ZNF253: variants seen among roughly 807,000 people sequenced by gnomAD.
ZNF253 encodes zinc finger protein 253.
ZNF253 carries 8 observed loss-of-function variants against 11.9 expected under a neutral mutation model. The observed-to-expected ratio is 0.67, with a 90% CI of 0.40 to 1.22. The LOEUF (loss-of-function observed/expected upper bound fraction) is 1.22. ZNF253 is among the 50% of genes most tolerant of loss of function. ZNF253 has a pLI of 0.01. For missense variants in ZNF253, 485 were observed against 586.9 expected (o/e 0.83, Z 1.79); for synonymous variants, 194 against 194.9 (o/e 1.00, Z 0.04).
intron 1 of ZNF253, among the ~76,000 whole-genome samples, chr19:19,866,545 C>CTAAA (rs1031787510): frequency 7.4e-5 from 11 of 149,454 alleles, no homozygotes; most frequent in Non-Finnish European, 1.2e-4. Flanking sequence ...GTGGCCCAGG[C>CTAAA]TAAAGTACAA....
At chr19:19,869,954 A>C (rs1305708005) in intron 1 of ZNF253, among the ~76,000 whole-genome samples, 1 of 151,964 alleles carries the variant, frequency 6.6e-6, no homozygotes, top group African/African-American at 2.4e-5. Context: ...TACCGGTGTG[A>C]GCCAAAAACA....
At position 19,885,317 on chromosome 19, in the gene ZNF253, T is replaced by C. The variant is rs1398029206; in HGVS notation, c.226+5171T>C. 1.8e-4 allele frequency among the ~76,000 whole-genome samples: 13 copies of C among 71,534 alleles called. 3 individuals are homozygous for C. The highest frequency in any genetic ancestry group is 1.8e-3 in the African/African-American group (12 of 6,646). The allele number at this position is 71,534 out of a possible 152,430, so 46.9% of individuals were successfully genotyped here. On this transcript the variant is annotated intron_variant, in intron 3 of 3. Coordinates refer to ENST00000589717, the MANE Select transcript of ZNF253 (RefSeq NM_021047.3). Reference sequence around the variant, plus strand: ...TCTTTCTTTTCTTTCTTTCTTTCTTTCTTTCTTTCTTTCTTTCTTTCTTTC... The same window carrying C: ...TCTTTCTTTTCTTTCTTTCTTTCTTCCTTTCTTTCTTTCTTTCTTTCTTTC...
In ZNF253 at chr19:19,892,504, T is replaced by A; in HGVS notation, c.1257T>A (p.Thr419=). Residue 419 remains threonine, a synonymous_variant, in exon 4 of 4, where the codon ACT becomes ACA. Transcript: ENST00000589717. ...SILSKHKRTH[T]GEKPYKCEEC... is the part of the protein sequence containing the mutation. ...TCTCCAAACATAAAAGAACTCATAC[T>A]GGAGAGAAACCCTACAAATGTGAAG... The A allele has an allele frequency of 6.2e-7, 1 of 1,613,304 alleles. No individual in the cohort carries two copies. The highest frequency in any genetic ancestry group is 8.5e-7 in the Non-Finnish European group (1 of 1,179,808).
intron 1 of ZNF253, among the ~76,000 whole-genome samples, chr19:19,867,561 A>G (rs1394935724): frequency 1.3e-5 from 2 of 152,066 alleles, no homozygotes; most frequent in Non-Finnish European, 2.9e-5. Context: ...TGGAGACAGG[A>G]TTTTGCAATG....
intron 3 of ZNF253, among the ~76,000 whole-genome samples, chr19:19,888,048 A>C (rs1396893710): frequency 5.9e-5 from 9 of 152,208 alleles, no homozygotes; most frequent in African/African-American, 2.2e-4. Flanking sequence ...AGAAAAACTT[A>C]CTAATGTTAT....
chr19:19,883,190 A>G (rs185597606), intron 3 of ZNF253, among the ~76,000 whole-genome samples: 3 of 152,276 alleles, frequency 2.0e-5, no homozygotes, highest in African/African-American at 7.2e-5. Context: ...TTTGTGAGAA[A>G]AGCACTTTTG....
intron 1 of ZNF253, among the ~76,000 whole-genome samples, chr19:19,878,160 A>G (rs1315799777): frequency 6.6e-6 from 1 of 152,206 alleles, no homozygotes; most frequent in African/African-American, 2.4e-5. Context: ...CATCTTTTGC[A>G]TCTGAAAAAT....
chr19:19,869,876 G>T (rs2063126626), intron 1 of ZNF253, among the ~76,000 whole-genome samples: 1 of 151,280 alleles, frequency 6.6e-6, no homozygotes. Flanking sequence ...TCACCATGTT[G>T]GTCAGACTGG....
intron 1 of ZNF253, 73 bp downstream of exon 1, chr19:19,866,072 C>T (rs1287008589): frequency 1.9e-6 from 3 of 1,593,522 alleles, no homozygotes; most frequent in East Asian, 4.5e-5. Context: ...TCTGGCGGGA[C>T]TCTGCTTCCT....
At chr19:19,882,007 G>T (rs1364455741) in intron 3 of ZNF253, among the ~76,000 whole-genome samples, 2 of 152,104 alleles carry the variant, frequency 1.3e-5, no homozygotes, top group East Asian at 3.9e-4. Context: ...TGACCAATAT[G>T]ATGAAACCTC....
At chr19:19,867,310 C>T (rs1178066951) in intron 1 of ZNF253, among the ~76,000 whole-genome samples, 2 of 152,012 alleles carry the variant, frequency 1.3e-5, no homozygotes, top group South Asian at 2.1e-4. Context: ...TTTAAATGGC[C>T]AGAGAGTATT....
rs1212944737 is a variant in ZNF253, at chr19:19,885,346, CTTTCTTTCTTCCTTTCT to C, written c.226+5211_226+5227del. Among the ~76,000 whole-genome samples the C allele has an allele frequency of 6.0e-3, 380 of 62,922 alleles. 52 individuals carry two copies. In the African/African-American group the frequency reaches 0.07, roughly 12 times the overall value. 41.3% of individuals were successfully genotyped at this position (62,922 alleles called of 152,430 possible). ...TCTTTCTTTCTTTCTTTCTTTCTTTCTTTCTTTCTTCCTTTCTTTTCTTTCTTTTCTTTCTTTTCTTT... is the reference window on the plus strand; with the variant it reads ...TCTTTCTTTCTTTCTTTCTTTCTTTCTTTCTTTCTTTTCTTTCTTTTCTTT... On this transcript the variant is annotated intron_variant, in intron 3 of 3. Coordinates refer to ENST00000589717, the MANE Select transcript of ZNF253 (RefSeq NM_021047.3).
intron 1 of ZNF253, among the ~76,000 whole-genome samples, chr19:19,867,502 A>T (rs2063116636): frequency 6.6e-6 from 1 of 152,080 alleles, no homozygotes; most frequent in Non-Finnish European, 1.5e-5. Flanking sequence ...AGCTTGATCT[A>T]CACGCTGGTG....
chr19:19,880,176 A>C, intron 3 of ZNF253, 30 bp downstream of exon 3: 1 of 1,515,404 alleles, frequency 6.6e-7, no homozygotes, highest in South Asian at 1.2e-5. Context: ...AATACAACAG[A>C]TGACACAGAT....
intron 1 of ZNF253, among the ~76,000 whole-genome samples, chr19:19,876,965 C>G (rs928191284): frequency 2.0e-5 from 3 of 152,128 alleles, no homozygotes; most frequent in African/African-American, 7.2e-5. Flanking sequence ...CTCAGCAAGA[C>G]TTTATAATCT....
chr19:19,882,045 C>G (rs781112096), intron 3 of ZNF253, among the ~76,000 whole-genome samples: 1 of 151,816 alleles, frequency 6.6e-6, no homozygotes, highest in Non-Finnish European at 1.5e-5. Context: ...AAAAGTTAGC[C>G]GGGTGTGGTG....
chr19:19,878,275 ATGT>A (rs2063163578), intron 1 of ZNF253, among the ~76,000 whole-genome samples: 1 of 152,230 alleles, frequency 6.6e-6, no homozygotes, highest in South Asian at 2.1e-4. Context: ...ATATAAACTG[ATGT>A]TATGGATCTT....
At chr19:19,888,350 G>C (rs2060238) in intron 3 of ZNF253, among the ~76,000 whole-genome samples, 2 of 151,884 alleles carry the variant, frequency 1.3e-5, no homozygotes, top group South Asian at 4.1e-4. Flanking sequence ...AGGCGTGAGC[G>C]ACTGCGCCTG....
chr19:19,868,129 T>C (rs2063119031), intron 1 of ZNF253, among the ~76,000 whole-genome samples: 3 of 152,026 alleles, frequency 2.0e-5, no homozygotes, highest in African/African-American at 7.2e-5. Flanking sequence ...GCAAATTTTT[T>C]TTATTCTGTA....
Sources: gnomAD v4.1 joint callset for allele counts (sites outside exome capture counted in the v4.1 genomes callset) on GRCh38, gnomAD v4.1.1 for gene constraint, MANE v1.5 for transcripts, NCBI Gene and HGNC (gene_info 2026-07-23, HGNC 2026-07-21) for gene names.